Variants in ADAMTSL1 observed in about 807,000 individuals in gnomAD.
The protein encoded by ADAMTSL1 is ADAMTS-like protein 1.
ADAMTSL1 carries 126 observed loss-of-function variants against 201.8 expected under a neutral mutation model. The observed-to-expected ratio is 0.62, with a 90% CI of 0.54 to 0.72. The LOEUF (loss-of-function observed/expected upper bound fraction) is 0.72. ADAMTSL1 is among the 30% of genes least tolerant of loss of function. ADAMTSL1 has a pLI of 0.00. For synonymous variants in ADAMTSL1, 1,121 were observed against 903.4 expected, an observed-to-expected ratio of 1.24 and a Z score of -4.32; for missense variants, 2,679 against 2,277.8, an observed-to-expected ratio of 1.18 and a Z score of -3.59.
In ADAMTSL1 at chr9:18,707,026, G is replaced by A; in HGVS notation, c.1854G>A (p.Lys618=). The A allele has an allele frequency of 6.2e-7, 1 of 1,613,768 alleles. No homozygotes were observed. The highest frequency in any genetic ancestry group is 1.1e-5 in the South Asian group (1 of 91,070). The change falls in exon 14 of 29, where the codon AAG becomes AAA. Residue 618 remains lysine, a synonymous_variant. Coordinates refer to ENST00000380548, the MANE Select transcript of ADAMTSL1 (RefSeq NM_001040272.6). ...ACTGGGAGTATGAGGGGTTCACCAA[G>A]TGCTCCGAGTCCTGTGGAGGAGGTA... ...LYDWEYEGFT[K]CSESCGGGVQ...
intron 1 of ADAMTSL1, among the ~76,000 whole-genome samples, chr9:18,017,777 T>G (rs1029377820): frequency 2.0e-5 from 3 of 152,016 alleles, no homozygotes; most frequent in African/African-American, 7.2e-5. Context: ...GTGGTTCTGT[T>G]TCTTTCCCTG....
intron 15 of ADAMTSL1, among the ~76,000 whole-genome samples, chr9:18,747,511 G>A (rs1448671290): frequency 6.6e-6 from 1 of 151,922 alleles, no homozygotes; most frequent in East Asian, 1.9e-4. Flanking sequence ...TGGCATTGAG[G>A]AATACCCAGC....
In ADAMTSL1 at chr9:18,821,891, C is replaced by A. The variant is rs570131752; in HGVS notation, c.3935-4393C>A. Among the ~76,000 whole-genome samples, 12 of 152,168 alleles carry A rather than the reference C, an allele frequency of 7.9e-5. No homozygotes were observed. In the East Asian group the frequency reaches 2.3e-3, roughly 29 times the overall value. On this transcript the variant is annotated intron_variant, in intron 21 of 28. Coordinates refer to ENST00000380548, the MANE Select transcript of ADAMTSL1 (RefSeq NM_001040272.6). ...GTTAACAAGAATACCCTGTCTGGGACTTTTTAAAAAAGAATATTTTAGCAT... is the reference window on the plus strand; with the variant it reads ...GTTAACAAGAATACCCTGTCTGGGAATTTTTAAAAAAGAATATTTTAGCAT...
chr9:18,538,517 T>C (rs1342804144), intron 3 of ADAMTSL1, among the ~76,000 whole-genome samples: 1 of 152,042 alleles, frequency 6.6e-6, no homozygotes, highest in East Asian at 1.9e-4. Context: ...GATTTGGATC[T>C]GAATGCAGAT....
At chr9:18,853,258 T>A (rs576178568) in intron 23 of ADAMTSL1, among the ~76,000 whole-genome samples, 1 of 152,298 alleles carries the variant, frequency 6.6e-6, no homozygotes, top group Admixed American at 6.5e-5. Context: ...GCTGGCCAGG[T>A]GGAGCCAATT....
At chr9:18,428,301 C>T (rs1306065657) in intron 2 of ADAMTSL1, among the ~76,000 whole-genome samples, 4 of 151,846 alleles carry the variant, frequency 2.6e-5, no homozygotes, top group South Asian at 2.1e-4. Flanking sequence ...GAATTGGGGC[C>T]GGGTTTGCCA....
chr9:18,596,087 G>T (rs1261789549), intron 4 of ADAMTSL1, among the ~76,000 whole-genome samples: 2 of 152,150 alleles, frequency 1.3e-5, no homozygotes, highest in African/African-American at 4.8e-5. Flanking sequence ...TTTTGAAACT[G>T]AAAGGGAATT....
chr9:18,118,015 C>T (rs1460802263), intron 1 of ADAMTSL1, among the ~76,000 whole-genome samples: 1 of 152,160 alleles, frequency 6.6e-6, no homozygotes, highest in Non-Finnish European at 1.5e-5. Context: ...ATATAGCATG[C>T]ACCATTGCAA....
chr9:18,522,106 A>C (rs7018651), intron 2 of ADAMTSL1, among the ~76,000 whole-genome samples: 90,080 of 151,780 alleles, frequency 0.59, 26,988 homozygotes, highest in East Asian at 0.8. Context: ...CCTGAAAGAA[A>C]CTCTTACAAT....
chr9:18,788,357 C>G (rs1358064434), intron 19 of ADAMTSL1, among the ~76,000 whole-genome samples: 1 of 152,054 alleles, frequency 6.6e-6, no homozygotes, highest in Non-Finnish European at 1.5e-5. Flanking sequence ...TAAGTAACTA[C>G]AAACCTTGAC....
intron 20 of ADAMTSL1, among the ~76,000 whole-genome samples, chr9:18,806,424 T>C (rs1184428677): frequency 2.0e-5 from 3 of 152,186 alleles, no homozygotes; most frequent in East Asian, 1.9e-4. Context: ...GTTTGGCTGA[T>C]AGCAAGTCAC....
intron 2 of ADAMTSL1, among the ~76,000 whole-genome samples, chr9:18,329,573 C>T (rs1409966204): frequency 1.3e-5 from 2 of 152,202 alleles, no homozygotes; most frequent in South Asian, 2.1e-4. Context: ...GGTTTAGGGA[C>T]CTAAACTACT....
intron 2 of ADAMTSL1, among the ~76,000 whole-genome samples, chr9:18,519,488 G>T (rs1408891109): frequency 2.0e-5 from 3 of 152,138 alleles, no homozygotes; most frequent in Non-Finnish European, 4.4e-5. Flanking sequence ...CTCAATCTCT[G>T]CCTTTTCAAA....
At chr9:18,303,144 G>A (rs991022862) in intron 2 of ADAMTSL1, among the ~76,000 whole-genome samples, 1 of 152,160 alleles carries the variant, frequency 6.6e-6, no homozygotes, top group African/African-American at 2.4e-5. Context: ...GAAAATAATG[G>A]AAATAGATGC....
intron 1 of ADAMTSL1, among the ~76,000 whole-genome samples, chr9:18,067,679 G>A (rs978714197): frequency 2.6e-5 from 4 of 152,192 alleles, no homozygotes; most frequent in African/African-American, 7.2e-5. Flanking sequence ...GAGAGCTGTC[G>A]GCAGCACTAA....
intron 2 of ADAMTSL1, among the ~76,000 whole-genome samples, chr9:18,356,964 A>G (rs750687238): frequency 2.0e-5 from 3 of 152,134 alleles, no homozygotes; most frequent in Middle Eastern, 3.2e-3. Flanking sequence ...GATTCCTATA[A>G]CAATTTCTTA....
At chr9:18,487,035 A>G (rs1426286987) in intron 1 of ADAMTSL1, among the ~76,000 whole-genome samples, 1 of 152,226 alleles carries the variant, frequency 6.6e-6, no homozygotes, top group Non-Finnish European at 1.5e-5. Context: ...CCGGTAAAAG[A>G]TGTAGCATTA....
chr9:18,648,679 T>C (rs936215692), intron 7 of ADAMTSL1, among the ~76,000 whole-genome samples: 1 of 152,018 alleles, frequency 6.6e-6, no homozygotes, highest in African/African-American at 2.4e-5. Flanking sequence ...AATTCTGGGT[T>C]GAAAATTCTT....
rs555952424 is a variant in ADAMTSL1 at position 18,706,638 on chromosome 9, T to C, written c.1575-109T>C. ...AGGGTGGAGGAGCCCTGAGTACCCC[T>C]GGGACAGCTCTGGGCACTGGAGGCA... On this transcript the variant is annotated intron_variant, in intron 13 of 28. Transcript: ENST00000380548. The C allele has an allele frequency of 2.5e-5, 28 of 1,141,304 alleles. No individual in the cohort carries two copies. The South Asian group carries it at 4.4e-4, about 18-fold the overall frequency. 70.7% of individuals were successfully genotyped at this position (1,141,304 alleles called of 1,614,324 possible). A position where few individuals can be genotyped will look rare whatever the true frequency, so the allele number is the denominator to read the frequency against.
Sources: allele counts gnomAD v4.1 joint callset (sites outside exome capture counted in the v4.1 genomes callset), GRCh38; gene constraint gnomAD v4.1.1; transcripts MANE v1.5; gene names NCBI Gene and HGNC (gene_info 2026-07-23, HGNC 2026-07-21).